The following MAP7D3 variants were observed in gnomAD, a reference collection of about 807,000 sequenced individuals.
MAP7D3 encodes MAP7 domain-containing protein 3.
In MAP7D3, 45 loss-of-function variants were observed where a neutral mutation model predicts 62.2. That is an observed-to-expected ratio of 0.72 (90% CI 0.57 to 0.93). The LOEUF (loss-of-function observed/expected upper bound fraction) is 0.93, where lower values mean the gene tolerates loss of function less well. Among genes scored for constraint, MAP7D3 ranks in the 40% least tolerant of loss-of-function variants. The pLI is 0.00. For synonymous variants in MAP7D3, 288 were observed against 248.8 expected, an observed-to-expected ratio of 1.16 and a Z score of -1.48; for missense variants, 711 against 683.1, an observed-to-expected ratio of 1.04 and a Z score of -0.45.
chrX:136,225,066 CT>C (rs1408606602), intron 13 of MAP7D3, among the ~76,000 whole-genome samples, 186 bp from the exon 14 acceptor site: 1 of 112,057 alleles, frequency 8.9e-6, no homozygotes, highest in Non-Finnish European at 1.9e-5. Flanking sequence ...CCAGTTTCAG[CT>C]ATAAAATGCC....
chrX:136,245,957 T>C (rs2074443278), intron 3 of MAP7D3, 108 bp downstream of exon 3: 1 of 463,736 alleles, frequency 2.2e-6, no homozygotes. Context: ...ATACATAATA[T>C]AAAAATTATA....
chrX:136,225,956 C>A lies in MAP7D3; in HGVS notation c.2092G>T (p.Glu698Ter). ...TGTAAATTTTGTAACATAATTCTCTCGTGTTCTTTCTTGCGTTTGTCAGCT... is the reference window on the plus strand; with the variant it reads ...TGTAAATTTTGTAACATAATTCTCTAGTGTTCTTTCTTGCGTTTGTCAGCT... The part of the protein sequence containing the change: ...EEADKRKKEH[E>*]RIMLQNLQER... The change falls in exon 13 of 19, where the codon GAG becomes TAG. Residue 698 changes from glutamate (E) to a stop codon, truncating the protein, a stop_gained. Coordinates refer to ENST00000316077, the MANE Select transcript of MAP7D3 (RefSeq NM_024597.4). LOFTEE classifies it high-confidence loss of function. 1 of 1,204,559 alleles carries A rather than the reference C, an allele frequency of 8.3e-7. No individual in the cohort carries two copies. The highest frequency in any genetic ancestry group is 1.1e-6 in the Non-Finnish European group (1 of 891,407).
At chrX:136,229,993 A>ATTTTTT (rs1173283842) in intron 10 of MAP7D3, among the ~76,000 whole-genome samples, 1 of 48,126 alleles carries the variant, frequency 2.1e-5, no homozygotes, top group African/African-American at 9.4e-5. Context: ...ATATATATAT[A>ATTTTTT]TTTTTTTTTT....
At position 136,216,932 on chromosome X, in the gene MAP7D3, T is replaced by C. The variant is rs1400932794; in HGVS notation, c.*1594A>G. 14 of 112,637 alleles carry C rather than the reference T, an allele frequency of 1.2e-4. No homozygotes were observed. Among genetic ancestry groups the C allele is most frequent in the Admixed American group, 7.5e-4 (8 of 10,632 alleles). The allele number at this position is 112,637 out of a possible 1,213,427, so 9.3% of individuals were successfully genotyped here. A position where few individuals can be genotyped will look rare whatever the true frequency, so the allele number is the denominator to read the frequency against. The stretch of plus-strand genomic sequence containing the variant: ...ACTCTTTTGTTAGGATGATTGTCTC[T>C]GTTTTATACATGAAAGAGCTAGTAT... On this transcript the variant is annotated 3_prime_UTR_variant, in exon 19 of 19. Coordinates refer to ENST00000316077, the MANE Select transcript of MAP7D3 (RefSeq NM_024597.4).
intron 10 of MAP7D3, among the ~76,000 whole-genome samples, chrX:136,229,516 T>C (rs1326534029): frequency 3.6e-5 from 4 of 110,737 alleles, no homozygotes; most frequent in African/African-American, 9.9e-5. Context: ...ACAGGCAAAA[T>C]AGCAATATGG....
In MAP7D3 at chrX:136,219,399, CA is replaced by C. The variant is rs761819800; in HGVS notation, c.*30del. 8.8e-7 allele frequency: 1 copy of C among 1,132,230 alleles called. No individual in the cohort carries two copies. Among genetic ancestry groups the C allele is most frequent in the Non-Finnish European group, 1.2e-6 (1 of 830,564 alleles). 93.3% of individuals were successfully genotyped at this position (1,132,230 alleles called of 1,213,427 possible). On this transcript the variant is annotated splice_region_variant and 3_prime_UTR_variant, in exon 18 of 19. Transcript: ENST00000316077. The stretch of plus-strand genomic sequence containing the variant: ...AAGGTAGATGAGATGAGGACTTACC[CA>C]AATGAGGAGAAACAGGTTTGCTTCT...
chrX:136,239,996 GT>G (rs2074370421), intron 6 of MAP7D3, among the ~76,000 whole-genome samples: 1 of 111,265 alleles, frequency 9.0e-6, no homozygotes, highest in Non-Finnish European at 1.9e-5. Context: ...ATCACTTGAG[GT>G]CAGGAGTTCA....
rs1569531849 is a variant in MAP7D3 at position 136,231,610 on chromosome X, G to C, written c.1347C>G (p.Ser449=). The change falls in exon 8 of 19, where the codon TCC becomes TCG. Residue 449 remains serine, a synonymous_variant. Transcript: ENST00000316077. ...EASPEAMVKA[S]PKTSLEASME... is the part of the protein sequence containing the mutation. ...TGCTTGCTTCAAGGGATGTCTTGGGGGATGCTTTCACCATCGCCTCAGGAG... is the reference window on the plus strand; with the variant it reads ...TGCTTGCTTCAAGGGATGTCTTGGGCGATGCTTTCACCATCGCCTCAGGAG... 8.3e-7 allele frequency: 1 copy of C among 1,210,088 alleles called. No individual in the cohort carries two copies. Among genetic ancestry groups the C allele is most frequent in the Non-Finnish European group, 1.1e-6 (1 of 894,842 alleles).
intron 18 of MAP7D3, 22 bp downstream of exon 18, chrX:136,219,376 G>T: frequency 1.0e-6 from 1 of 976,703 alleles, no homozygotes; most frequent in African/African-American, 1.9e-5. Flanking sequence ...TCAAGAAAAA[G>T]GTAGATGAGA....
At chrX:136,225,513 A>G (rs1255192246) in intron 13 of MAP7D3, among the ~76,000 whole-genome samples, 1 of 111,679 alleles carries the variant, frequency 9.0e-6, no homozygotes, top group Non-Finnish European at 1.9e-5. Context: ...AATAGCCTGC[A>G]CCTTGGCCTC....
At chrX:136,244,886 C>A (rs1056173989) in intron 3 of MAP7D3, 91 bp from the exon 4 acceptor site, 1 of 611,474 alleles carries the variant, frequency 1.6e-6, no homozygotes, top group African/African-American at 2.2e-5. Flanking sequence ...AAAGTTAACA[C>A]ATCTCATTCA....
At chrX:136,215,526 A>G (rs1376933077), downstream of MAP7D3, among the ~76,000 whole-genome samples, 1 of 111,989 alleles carries the variant, frequency 8.9e-6, no homozygotes, top group Non-Finnish European at 1.9e-5. Context: ...CACTGATTCT[A>G]CATTATGGTG....
In MAP7D3 at chrX:136,219,588, C is replaced by T. The variant is rs1459318414; in HGVS notation, c.2565+5G>A. ...GATACGCTGCTGCTCATAATTCATACTAACAGAGGATCTGCTGGTGGTGTT... is the reference window on the plus strand; with the variant it reads ...GATACGCTGCTGCTCATAATTCATATTAACAGAGGATCTGCTGGTGGTGTT... On this transcript the variant is annotated splice_donor_5th_base_variant and intron_variant, in intron 17 of 18. Coordinates refer to ENST00000316077, the MANE Select transcript of MAP7D3 (RefSeq NM_024597.4). 1.4e-5 allele frequency: 17 copies of T among 1,196,825 alleles called. No individual in the cohort carries two copies. Among genetic ancestry groups the T allele is most frequent in the Non-Finnish European group, 1.8e-5 (16 of 882,984 alleles).
Position 136,244,636 on chromosome X carries a change from T to C in MAP7D3, c.413A>G (p.Gln138Arg), listed in dbSNP as rs1569532315. The change falls in exon 4 of 19, where the codon CAA becomes CGA. Residue 138 changes from glutamine to arginine, a missense_variant. Physicochemically the swap from Gln to Arg is conservative, Grantham distance 43. Transcript: ENST00000316077. ...ACAGGCTGCAAAATTATGTACCTTT[T>C]GTGCTTCATCCTTCTGGTGTCTTTT... ...EEKRHQKDEAQKEKFTAILYR... is the reference protein window; with the variant it reads ...EEKRHQKDEARKEKFTAILYR... 8.3e-7 allele frequency: 1 copy of C among 1,208,218 alleles called. No individual in the cohort carries two copies. The highest frequency in any genetic ancestry group is 1.1e-6 in the Non-Finnish European group (1 of 894,059).
intron 18 of MAP7D3, 93 bp downstream of exon 18, chrX:136,219,305 G>A (rs1322723375): frequency 2.0e-6 from 1 of 491,672 alleles, no homozygotes; most frequent in Admixed American, 3.6e-5. Flanking sequence ...AAAGCTATAT[G>A]GTGCAAAGAC....
chrX:136,245,575 G>A (rs997465091), intron 3 of MAP7D3, among the ~76,000 whole-genome samples: 4 of 110,664 alleles, frequency 3.6e-5, no homozygotes, highest in East Asian at 2.8e-4. Flanking sequence ...ATGAAACCCC[G>A]TCTCTACCAA....
intron 5 of MAP7D3, 59 bp from the exon 6 acceptor site, chrX:136,240,545 T>C: frequency 2.5e-6 from 2 of 799,667 alleles, no homozygotes; most frequent in Non-Finnish European, 3.7e-6. Flanking sequence ...AATCATTAAC[T>C]GAAAAAAAAA....
intron 1 of MAP7D3, among the ~76,000 whole-genome samples, chrX:136,250,476 G>C (rs2074492542): frequency 9.0e-6 from 1 of 110,995 alleles, no homozygotes. Context: ...AAACGTTTTG[G>C]CGATGGGACT....
chrX:136,220,028 C>T (rs778836488), intron 16 of MAP7D3, among the ~76,000 whole-genome samples: 1 of 112,297 alleles, frequency 8.9e-6, no homozygotes. Context: ...ATCATCACAC[C>T]TCTCAGCAGA....
Sources: gnomAD v4.1 joint callset for allele counts (sites outside exome capture counted in the v4.1 genomes callset) on GRCh38, gnomAD v4.1.1 for gene constraint, MANE v1.5 for transcripts, NCBI Gene and HGNC (gene_info 2026-07-23, HGNC 2026-07-21) for gene names.